The following FER variants were observed in gnomAD, a reference collection of about 807,000 sequenced individuals.
The protein encoded by FER is FER tyrosine kinase, also known as tyrosine-protein kinase Fer.
Under a neutral mutation model 111.0 loss-of-function variants are expected in FER, and 63 were observed. That is an observed-to-expected ratio of 0.57 (90% CI 0.46 to 0.70). The LOEUF (loss-of-function observed/expected upper bound fraction) is 0.70. FER is among the 30% of genes least tolerant of loss of function. The pLI, the probability that FER is intolerant of heterozygous loss-of-function variation, is 0.00. For missense variants in FER, 914 were observed against 954.0 expected, an observed-to-expected ratio of 0.96 and a Z score of 0.55; for synonymous variants, 327 against 313.9, an observed-to-expected ratio of 1.04 and a Z score of -0.44.
chr5:108,787,086 C>G (rs896637136), intron 2 of FER, among the ~76,000 whole-genome samples: 4 of 152,006 alleles, frequency 2.6e-5, no homozygotes, highest in Non-Finnish European at 5.9e-5. Flanking sequence ...TGCAGCTGCC[C>G]AGCTGCAGCT....
intron 3 of FER, among the ~76,000 whole-genome samples, chr5:108,817,498 A>T (rs1758408352): frequency 6.6e-6 from 1 of 152,248 alleles, no homozygotes; most frequent in Non-Finnish European, 1.5e-5. Flanking sequence ...GCAAAAAGAA[A>T]GCAAACAAGT....
At chr5:109,015,583 A>G (rs1044981992) in intron 13 of FER, among the ~76,000 whole-genome samples, 8 of 152,024 alleles carry the variant, frequency 5.3e-5, no homozygotes, top group African/African-American at 7.2e-5. Flanking sequence ...TAAATAGATC[A>G]GTATAATCCA....
chr5:108,782,980 C>G (rs555643842), intron 2 of FER, among the ~76,000 whole-genome samples: 1 of 152,252 alleles, frequency 6.6e-6, no homozygotes, highest in Admixed American at 6.5e-5. Context: ...TATTTTCTGT[C>G]TTCTACTAAT....
intron 12 of FER, among the ~76,000 whole-genome samples, chr5:108,958,408 G>T (rs1758713746): frequency 6.6e-6 from 1 of 151,746 alleles, no homozygotes; most frequent in South Asian, 2.1e-4. Context: ...GCATTGCAAT[G>T]CTTCTTGCTT....
At chr5:108,866,206 C>G (rs1764037863) in intron 5 of FER, among the ~76,000 whole-genome samples, 1 of 152,128 alleles carries the variant, frequency 6.6e-6, no homozygotes, top group Non-Finnish European at 1.5e-5. Flanking sequence ...CAGTGATAGA[C>G]TGGATTAAGA....
At chr5:108,904,061 G>GT (rs1750408753) in intron 10 of FER, among the ~76,000 whole-genome samples, 1 of 151,982 alleles carries the variant, frequency 6.6e-6, no homozygotes, top group African/African-American at 2.4e-5. Flanking sequence ...TGAATGTACA[G>GT]TTACTTCAGT....
At position 108,830,858 on chromosome 5, in the gene FER, T is replaced by A. The variant is rs1169776537; in HGVS notation, c.208-1912T>A. On this transcript the variant is annotated intron_variant, in intron 3 of 19. Coordinates refer to ENST00000281092, the MANE Select transcript of FER (RefSeq NM_005246.4). ...TGGGAGTGAGATAGAGCCAGGCTTTTGTTAAAACTAGAAGATGAATGGAAA... is the reference window on the plus strand; with the variant it reads ...TGGGAGTGAGATAGAGCCAGGCTTTAGTTAAAACTAGAAGATGAATGGAAA... 3 of 152,374 alleles carry A rather than the reference T, an allele frequency of 2.0e-5. No homozygotes were observed. In the East Asian group the frequency reaches 5.8e-4, roughly 29 times the overall value. The allele number at this position is 152,374 out of a possible 1,614,324, so 9.4% of individuals were successfully genotyped here. A position where few individuals can be genotyped will look rare whatever the true frequency, so the allele number is the denominator to read the frequency against.
chr5:108,774,649 G>T (rs895327478), intron 2 of FER, among the ~76,000 whole-genome samples: 1 of 152,030 alleles, frequency 6.6e-6, no homozygotes, highest in Non-Finnish European at 1.5e-5. Flanking sequence ...TTTCTTTAAC[G>T]ATCAGTGGAG....
intron 8 of FER, among the ~76,000 whole-genome samples, chr5:108,873,523 A>G (rs1000898879): frequency 3.9e-5 from 6 of 152,204 alleles, no homozygotes; most frequent in African/African-American, 1.2e-4. Flanking sequence ...TGTGTACAAG[A>G]TGAAGGCTTA....
chr5:108,961,567 A>AT (rs1281331267), intron 13 of FER, among the ~76,000 whole-genome samples: 63 of 152,210 alleles, frequency 4.1e-4, no homozygotes, highest in Admixed American at 1.8e-3. Context: ...GTTATATGTG[A>AT]TTTTTTATAT....
At chr5:108,889,321 A>G in intron 9 of FER, among the ~76,000 whole-genome samples, 1 of 151,906 alleles carries the variant, frequency 6.6e-6, no homozygotes, top group Admixed American at 6.6e-5. Flanking sequence ...GTGTCCATCA[A>G]CAGACAAAGG....
intron 16 of FER, among the ~76,000 whole-genome samples, chr5:109,065,962 T>C (rs1561849673): frequency 6.6e-6 from 1 of 152,298 alleles, no homozygotes; most frequent in East Asian, 1.9e-4. Flanking sequence ...GAAAACATGA[T>C]CACATTTGAT....
At chr5:109,150,365 C>T (rs1388722447) in intron 17 of FER, among the ~76,000 whole-genome samples, 1 of 152,116 alleles carries the variant, frequency 6.6e-6, no homozygotes, top group Non-Finnish European at 1.5e-5. Context: ...ATACCCATCT[C>T]ACTTTGTTAT....
intron 13 of FER, among the ~76,000 whole-genome samples, chr5:109,027,028 A>C (rs142993761): frequency 0.024 from 3,582 of 152,274 alleles, 73 homozygotes; most frequent in Non-Finnish European, 0.033. Flanking sequence ...TTAGCTCCAA[A>C]ATACCATGTT....
intron 17 of FER, among the ~76,000 whole-genome samples, chr5:109,149,328 A>G (rs1328663373): frequency 6.6e-6 from 1 of 152,150 alleles, no homozygotes; most frequent in African/African-American, 2.4e-5. Context: ...GAGAAGAGAT[A>G]AAAGAGTATC....
chr5:108,952,971 T>G (rs1757965730), intron 11 of FER, among the ~76,000 whole-genome samples: 1 of 152,106 alleles, frequency 6.6e-6, no homozygotes, highest in African/African-American at 2.4e-5. Context: ...ATTGAATTTC[T>G]TGTATTCAGT....
intron 13 of FER, among the ~76,000 whole-genome samples, chr5:108,977,960 C>G (rs563678870): frequency 6.6e-6 from 1 of 152,166 alleles, no homozygotes; most frequent in Non-Finnish European, 1.5e-5. Context: ...ATCCTCCTGC[C>G]TCAGCCTCCC....
At chr5:109,021,623 T>C (rs974977001) in intron 13 of FER, among the ~76,000 whole-genome samples, 3 of 152,114 alleles carry the variant, frequency 2.0e-5, no homozygotes, top group Non-Finnish European at 1.5e-5. Context: ...ATCTTAGTAC[T>C]TTATAACATT....
chr5:109,170,079 C>T (rs1756951487), intron 17 of FER, among the ~76,000 whole-genome samples: 1 of 152,102 alleles, frequency 6.6e-6, no homozygotes, highest in African/African-American at 2.4e-5. Flanking sequence ...TACACAGTTG[C>T]TCTGTATCTT....
Sources: gnomAD v4.1 joint callset for allele counts (sites outside exome capture counted in the v4.1 genomes callset) on GRCh38, gnomAD v4.1.1 for gene constraint, MANE v1.5 for transcripts, NCBI Gene and HGNC (gene_info 2026-07-23, HGNC 2026-07-21) for gene names.